Variants in PNPT1 observed in about 807,000 individuals in gnomAD.
The protein encoded by PNPT1 is polyribonucleotide nucleotidyltransferase 1.
PNPT1 carries 53 observed loss-of-function variants against 119.5 expected under a neutral mutation model. The ratio of observed to expected loss-of-function variants is 0.44; its 90% CI spans 0.36 to 0.56. The LOEUF is 0.56. Ranked by LOEUF, PNPT1 falls within the 20% of genes least tolerant of loss-of-function variation. The pLI, the probability that PNPT1 is intolerant of heterozygous loss-of-function variation, is 0.00. For synonymous variants in PNPT1, 357 were observed against 322.1 expected, an observed-to-expected ratio of 1.11 and a Z score of -1.16; for missense variants, 948 against 938.5, an observed-to-expected ratio of 1.01 and a Z score of -0.13.
chr2:55,642,151 T>C (rs950457143), intron 25 of PNPT1, among the ~76,000 whole-genome samples: 1 of 151,876 alleles, frequency 6.6e-6, no homozygotes, highest in African/African-American at 2.4e-5. Flanking sequence ...AAATTGGATT[T>C]AAAAATATGT....
intron 5 of PNPT1, among the ~76,000 whole-genome samples, chr2:55,682,900 T>C (rs1697291736): frequency 6.6e-6 from 1 of 152,078 alleles, no homozygotes; most frequent in African/African-American, 2.4e-5. Flanking sequence ...ACAGAGGTCC[T>C]GACTCAAAAC....
At chr2:55,683,211 TC>T (rs1422774937) in intron 5 of PNPT1, among the ~76,000 whole-genome samples, 4 of 152,194 alleles carry the variant, frequency 2.6e-5, no homozygotes, top group African/African-American at 9.7e-5. Context: ...TTAATTTCTT[TC>T]CTGCCTCTGG....
intron 7 of PNPT1, among the ~76,000 whole-genome samples, 178 bp from the exon 8 acceptor site, chr2:55,679,973 G>C (rs1187064364): frequency 6.6e-6 from 1 of 151,986 alleles, no homozygotes; most frequent in South Asian, 2.1e-4. Flanking sequence ...GTCCTCACTG[G>C]ATCACTCTGA....
chr2:55,663,696 C>T (rs774080380), intron 13 of PNPT1, among the ~76,000 whole-genome samples: 4 of 151,912 alleles, frequency 2.6e-5, no homozygotes, highest in East Asian at 1.9e-4. Flanking sequence ...AACACTGAAA[C>T]GGCTGGGTGC....
At chr2:55,674,723 T>C (rs1368873894) in intron 8 of PNPT1, among the ~76,000 whole-genome samples, 1 of 152,162 alleles carries the variant, frequency 6.6e-6, no homozygotes, top group Non-Finnish European at 1.5e-5. Context: ...CCTGATATGG[T>C]TCTAACTGTA....
chr2:55,655,299 A>G (rs989009507), intron 17 of PNPT1, among the ~76,000 whole-genome samples: 1 of 152,122 alleles, frequency 6.6e-6, no homozygotes, highest in Non-Finnish European at 1.5e-5. Context: ...ACGCCCAGCT[A>G]ATTTTTTGTA....
chr2:55,655,383 G>C (rs568022437), intron 17 of PNPT1, among the ~76,000 whole-genome samples: 3 of 152,118 alleles, frequency 2.0e-5, no homozygotes, highest in Admixed American at 1.3e-4. Context: ...GCCTCCCAAA[G>C]TGCTGGGATT....
chr2:55,644,352 G>T (rs1695923258), intron 23 of PNPT1, among the ~76,000 whole-genome samples: 1 of 152,024 alleles, frequency 6.6e-6, no homozygotes, highest in Non-Finnish European at 1.5e-5. Context: ...TTCCTCTAAA[G>T]TTAAAAACTA....
At chr2:55,648,920 A>C (rs944194090) in intron 18 of PNPT1, among the ~76,000 whole-genome samples, 1 of 152,162 alleles carries the variant, frequency 6.6e-6, no homozygotes, top group African/African-American at 2.4e-5. Flanking sequence ...AAAATGTTTA[A>C]GTTTTGATCA....
chr2:55,671,385 A>G lies in PNPT1; in HGVS notation c.919-9T>C. On this transcript the variant is annotated splice_polypyrimidine_tract_variant and intron_variant, in intron 10 of 27. Coordinates refer to ENST00000447944, the MANE Select transcript of PNPT1 (RefSeq NM_033109.5). ...GCTTCATCTCTGGAAACCTAAAAGA[A>G]AGTTGAGGTTCAGTTATTACATATA... 1 of 1,516,858 alleles carries G rather than the reference A, an allele frequency of 6.6e-7. No individual in the cohort carries two copies. The highest frequency in any genetic ancestry group is 8.9e-7 in the Non-Finnish European group (1 of 1,125,038). 94.0% of individuals were successfully genotyped at this position (1,516,858 alleles called of 1,614,324 possible).
At chr2:55,681,867 C>A (rs913229451) in intron 5 of PNPT1, among the ~76,000 whole-genome samples, 2 of 139,856 alleles carry the variant, frequency 1.4e-5, no homozygotes, top group Non-Finnish European at 3.1e-5. Context: ...AAAGGCTGGG[C>A]GCGGTGGCTC....
chr2:55,651,009 C>T (rs1336198071), intron 18 of PNPT1, among the ~76,000 whole-genome samples: 2 of 148,606 alleles, frequency 1.3e-5, no homozygotes, highest in African/African-American at 2.5e-5. Flanking sequence ...CTCTGCCCGG[C>T]CGCCCCTACT....
intron 18 of PNPT1, among the ~76,000 whole-genome samples, chr2:55,648,481 A>G (rs574318656): frequency 1.1e-3 from 175 of 152,322 alleles, no homozygotes; most frequent in African/African-American, 4.1e-3. Context: ...ATGCTACTCT[A>G]TATTCTTATT....
intron 2 of PNPT1, 73 bp downstream of exon 2, chr2:55,687,572 G>A (rs2104183637): frequency 1.9e-6 from 2 of 1,070,512 alleles, no homozygotes; most frequent in Non-Finnish European, 2.7e-6. Context: ...GTTACACGAT[G>A]TTGTAGTTAC....
In PNPT1 at chr2:55,643,322, A is replaced by G; in HGVS notation, c.2010T>C (p.Asp670=). 1.2e-6 allele frequency: 2 copies of G among 1,614,028 alleles called. No individual in the cohort carries two copies. Among genetic ancestry groups the G allele is most frequent in the Non-Finnish European group, 1.7e-6 (2 of 1,179,860 alleles). Residue 670 remains aspartate (D), a synonymous_variant, in exon 24 of 28, where the codon GAT becomes GAC. Coordinates refer to ENST00000447944, the MANE Select transcript of PNPT1 (RefSeq NM_033109.5). ...ARDFITEICK[D]DQEQQLEFGA... ...AATTAATATGATCTATACTTACATCATCCTTGCAGATTTCAGTAATGAAGT... is the reference window on the plus strand; with the variant it reads ...AATTAATATGATCTATACTTACATCGTCCTTGCAGATTTCAGTAATGAAGT...
At chr2:55,671,076 C>T (rs926918566) in intron 11 of PNPT1, among the ~76,000 whole-genome samples, 5 of 152,114 alleles carry the variant, frequency 3.3e-5, no homozygotes, top group Middle Eastern at 6.8e-3. Flanking sequence ...CGAAACAGTT[C>T]GGGGAAGCTT....
intron 10 of PNPT1, 54 bp from the exon 11 acceptor site, chr2:55,671,430 T>A: frequency 9.1e-7 from 1 of 1,097,500 alleles, no homozygotes; most frequent in South Asian, 1.7e-5. Flanking sequence ...ATTTAATATT[T>A]CTGTTTTCTA....
intron 25 of PNPT1, among the ~76,000 whole-genome samples, chr2:55,641,803 C>T (rs1306535046): frequency 6.6e-6 from 1 of 150,754 alleles, no homozygotes; most frequent in Non-Finnish European, 1.5e-5. Context: ...AAAAAACAAG[C>T]TCTTCTAGCT....
chr2:55,636,586 G>A (rs1472961388), intron 27 of PNPT1, among the ~76,000 whole-genome samples, 194 bp from the exon 28 acceptor site: 1 of 152,120 alleles, frequency 6.6e-6, no homozygotes, highest in Non-Finnish European at 1.5e-5. Context: ...GAAAAGAGAC[G>A]GGGCAGTTAG....
Sources: gnomAD v4.1 joint callset for allele counts (sites outside exome capture counted in the v4.1 genomes callset) on GRCh38, gnomAD v4.1.1 for gene constraint, MANE v1.5 for transcripts, NCBI Gene and HGNC (gene_info 2026-07-23, HGNC 2026-07-21) for gene names.